The following BOD1L2 variants were observed in gnomAD, a reference collection of about 807,000 sequenced individuals.
BOD1L2 encodes biorientation of chromosomes in cell division 1 like 2, also known as biorientation of chromosomes in cell division protein 1-like 2.
Under a neutral mutation model 5.3 loss-of-function variants are expected in BOD1L2, and 6 were observed. The ratio of observed to expected loss-of-function variants is 1.14; its 90% CI spans 0.62 to 2.25. The LOEUF (loss-of-function observed/expected upper bound fraction) is 2.25, where lower values mean the gene tolerates loss of function less well. Among genes scored for constraint, BOD1L2 ranks in the 30% most tolerant of loss-of-function variants. The probability of loss-of-function intolerance (pLI) is 0.00; values close to 1 mark genes in which losing one functional copy is unlikely to be tolerated. For missense variants in BOD1L2, 210 were observed against 227.2 expected (o/e 0.92, Z 0.49); for synonymous variants, 96 against 96.3 (o/e 1.00, Z 0.02).
chr18:57,147,666 G>T lies in BOD1L2; in HGVS notation c.354G>T (p.Arg118Ser). ...QSGRSEAGVD[R>S]ISSQVVDPKL... ...GGAGGTCAGAAGCTGGAGTGGACAG[G>T]ATTAGTTCTCAGGTGGTGGATCCAA... Residue 118 changes from arginine to serine, a missense_variant, in exon 1 of 1, where the codon AGG becomes AGT. By Grantham distance (110) the Arg-to-Ser change is moderately radical. Coordinates refer to ENST00000585477, the MANE Select transcript of BOD1L2 (RefSeq NM_001257964.2). 1 of 1,613,546 alleles carries T rather than the reference G, an allele frequency of 6.2e-7. No homozygotes were observed. Among genetic ancestry groups the T allele is most frequent in the Non-Finnish European group, 8.5e-7 (1 of 1,180,034 alleles).
rs533411381 is a variant in BOD1L2, at chr18:57,147,299, C to G, written c.-14C>G. 3.4e-6 allele frequency: 4 copies of G among 1,161,780 alleles called. No individual in the cohort carries two copies. The African/African-American group carries it at 6.6e-5, about 19-fold the overall frequency. The allele number at this position is 1,161,780 out of a possible 1,614,324, so 72.0% of individuals were successfully genotyped here. A position where few individuals can be genotyped will look rare whatever the true frequency, so the allele number is the denominator to read the frequency against. On this transcript the variant is annotated 5_prime_UTR_variant, in exon 1 of 1. Coordinates refer to ENST00000585477, the MANE Select transcript of BOD1L2 (RefSeq NM_001257964.2). ...AAGCTATAATCGGTTTCCTTGTGGGCCCGGTGCGCAGCCATGGCGGACGGT... is the reference window on the plus strand; with the variant it reads ...AAGCTATAATCGGTTTCCTTGTGGGGCCGGTGCGCAGCCATGGCGGACGGT...
chr18:57,147,720 A>G lies in BOD1L2; in HGVS notation c.408A>G (p.Ile136Met), dbSNP rs965620053. ...PKLNHIFRPQ[I>M]EQIIHEFLVA... ...TAAACCACATCTTCAGGCCACAAAT[A>G]GAACAAATAATTCATGAATTCCTGG... Residue 136 changes from isoleucine (I) to methionine (M), a missense_variant, in exon 1 of 1, where the codon ATA (isoleucine) becomes ATG (methionine). Transcript: ENST00000585477. 6.2e-7 allele frequency: 1 copy of G among 1,613,878 alleles called. No homozygotes were observed. Among genetic ancestry groups the G allele is most frequent in the African/African-American group, 1.3e-5 (1 of 75,044 alleles).
Position 57,147,163 on chromosome 18 carries a change from C to G in BOD1L2, c.-150C>G. On this transcript the variant is annotated 5_prime_UTR_variant, in exon 1 of 1. Transcript: ENST00000585477. Reference sequence around the variant, plus strand: ...CCCCACCGCCGCCCCAACCACCGGCCCCGCCGCCATCACCACCACCGTCAC... The same window carrying G: ...CCCCACCGCCGCCCCAACCACCGGCGCCGCCGCCATCACCACCACCGTCAC... 10 of 1,018,216 alleles carry G rather than the reference C, an allele frequency of 9.8e-6. No homozygotes were observed. Among genetic ancestry groups the G allele is most frequent in the Non-Finnish European group, 1.2e-5 (10 of 838,332 alleles). 63.1% of individuals were successfully genotyped at this position (1,018,216 alleles called of 1,614,324 possible).
At position 57,147,789 on chromosome 18, in the gene BOD1L2, A is replaced by G; in HGVS notation, c.477A>G (p.Pro159=). 1 of 1,609,680 alleles carries G rather than the reference A, an allele frequency of 6.2e-7. No individual in the cohort carries two copies. Among genetic ancestry groups the G allele is most frequent in the Non-Finnish European group, 8.5e-7 (1 of 1,178,082 alleles). Residue 159 remains proline, a synonymous_variant, in exon 1 of 1, where the codon CCA becomes CCG. Transcript: ENST00000585477. ...CTGTGCCAGCACTCCCTCCAGAGCCAGAAGGCCAGGACCCTCCAGCTCCGT... is the reference window on the plus strand; with the variant it reads ...CTGTGCCAGCACTCCCTCCAGAGCCGGAAGGCCAGGACCCTCCAGCTCCGT... ...EAAVPALPPE[P]EGQDPPAPSQ...
Position 57,149,127 on chromosome 18 carries a change from G to GTGGGGC in BOD1L2, c.*1305_*1310dup, listed in dbSNP as rs2048943215. 6.6e-6 allele frequency: 1 copy of GTGGGGC among 152,200 alleles called. No individual in the cohort carries two copies. The highest frequency in any genetic ancestry group is 2.1e-4 in the South Asian group (1 of 4,822). 9.4% of individuals were successfully genotyped at this position (152,200 alleles called of 1,614,324 possible). On this transcript the variant is annotated 3_prime_UTR_variant, in exon 1 of 1. Transcript: ENST00000585477. ...CCAAAGCTCAGACACTGCCTAAGTGGTGGGGCTGGGGCTGAGCCTGTATTG... is the reference window on the plus strand; with the variant it reads ...CCAAAGCTCAGACACTGCCTAAGTGGTGGGGCTGGGGCTGGGGCTGAGCCTGTATTG...
rs1422094865 is a variant in BOD1L2 at position 57,148,612 on chromosome 18, A to G, written c.*781A>G. ...TATCTTTCAACTGCAACAACAAAAA[A>G]GAAATGCAGATTTACATCCTTTTCC... On this transcript the variant is annotated 3_prime_UTR_variant, in exon 1 of 1. Coordinates refer to ENST00000585477, the MANE Select transcript of BOD1L2 (RefSeq NM_001257964.2). The G allele has an allele frequency of 1.3e-5, 2 of 152,260 alleles. No individual in the cohort carries two copies. Among genetic ancestry groups the G allele is most frequent in the Non-Finnish European group, 1.5e-5 (1 of 68,048 alleles). The allele number at this position is 152,260 out of a possible 1,614,324, so 9.4% of individuals were successfully genotyped here.
chr18:57,147,996 T>C lies in BOD1L2; in HGVS notation c.*165T>C. On this transcript the variant is annotated 3_prime_UTR_variant, in exon 1 of 1. Coordinates refer to ENST00000585477, the MANE Select transcript of BOD1L2 (RefSeq NM_001257964.2). ...TGACCAGATTGAAAGGGAAGCAAGTTCGCCAGAGAGAAAGTTGACCGTGGC... is the reference window on the plus strand; with the variant it reads ...TGACCAGATTGAAAGGGAAGCAAGTCCGCCAGAGAGAAAGTTGACCGTGGC... 1.2e-6 allele frequency: 1 copy of C among 818,580 alleles called. No homozygotes were observed. Among genetic ancestry groups the C allele is most frequent in the Non-Finnish European group, 1.8e-6 (1 of 544,478 alleles). 50.7% of individuals were successfully genotyped at this position (818,580 alleles called of 1,614,324 possible).
chr18:57,147,834 A>C lies in BOD1L2; in HGVS notation c.*3A>C. The C allele has an allele frequency of 6.3e-7, 1 of 1,593,998 alleles. No homozygotes were observed. Among genetic ancestry groups the C allele is most frequent in the Non-Finnish European group, 8.5e-7 (1 of 1,170,046 alleles). ...CTCCGTCTCAGGACACTTCCTAAGA[A>C]TATGCCTGACAGCTTTTGAAAGCGC... On this transcript the variant is annotated 3_prime_UTR_variant, in exon 1 of 1. Coordinates refer to ENST00000585477, the MANE Select transcript of BOD1L2 (RefSeq NM_001257964.2).
At position 57,147,861 on chromosome 18, in the gene BOD1L2, A is replaced by G. The variant is rs150462946; in HGVS notation, c.*30A>G. 5.4e-6 allele frequency: 8 copies of G among 1,477,336 alleles called. No homozygotes were observed. The highest frequency in any genetic ancestry group is 1.9e-4 in the Middle Eastern group (1 of 5,196). The allele number at this position is 1,477,336 out of a possible 1,614,324, so 91.5% of individuals were successfully genotyped here. ...ATGCCTGACAGCTTTTGAAAGCGCT[A>G]TTTAATTTTTGGTGAAGAAATGGAT... is the stretch of plus-strand genomic sequence containing the variant. On this transcript the variant is annotated 3_prime_UTR_variant, in exon 1 of 1. Coordinates refer to ENST00000585477, the MANE Select transcript of BOD1L2 (RefSeq NM_001257964.2).
rs754790438 is a variant in BOD1L2 at position 57,148,109 on chromosome 18, C to G, written c.*278C>G. ...TACAGAGAGGGAAACACTACCGCGA[C>G]CCAGGATTGTCCTGAAACAGACATC... is the stretch of plus-strand genomic sequence containing the variant. On this transcript the variant is annotated 3_prime_UTR_variant, in exon 1 of 1. Transcript: ENST00000585477. 6 of 335,972 alleles carry G rather than the reference C, an allele frequency of 1.8e-5. No homozygotes were observed. The highest frequency in any genetic ancestry group is 3.3e-5 in the Non-Finnish European group (6 of 180,640). 20.8% of individuals were successfully genotyped at this position (335,972 alleles called of 1,614,324 possible). A position where few individuals can be genotyped will look rare whatever the true frequency, so the allele number is the denominator to read the frequency against.
chr18:57,148,104 C>G lies in BOD1L2; in HGVS notation c.*273C>G. Reference sequence around the variant, plus strand: ...CACACTACAGAGAGGGAAACACTACCGCGACCCAGGATTGTCCTGAAACAG... The same window carrying G: ...CACACTACAGAGAGGGAAACACTACGGCGACCCAGGATTGTCCTGAAACAG... On this transcript the variant is annotated 3_prime_UTR_variant, in exon 1 of 1. Coordinates refer to ENST00000585477, the MANE Select transcript of BOD1L2 (RefSeq NM_001257964.2). 1 of 351,990 alleles carries G rather than the reference C, an allele frequency of 2.8e-6. No individual in the cohort carries two copies. Among genetic ancestry groups the G allele is most frequent in the Non-Finnish European group, 5.3e-6 (1 of 189,980 alleles). The allele number at this position is 351,990 out of a possible 1,614,324, so 21.8% of individuals were successfully genotyped here.
rs1028004437 is a variant in BOD1L2 at position 57,150,066 on chromosome 18, C to T, written c.*2235C>T. Reference sequence around the variant, plus strand: ...GAATTTCAGAGAAACAACAGATACTCTCCTAGGGCATGGACCGTGCAATAT... The same window carrying T: ...GAATTTCAGAGAAACAACAGATACTTTCCTAGGGCATGGACCGTGCAATAT... On this transcript the variant is annotated 3_prime_UTR_variant, in exon 1 of 1. Coordinates refer to ENST00000585477, the MANE Select transcript of BOD1L2 (RefSeq NM_001257964.2). The T allele has an allele frequency of 3.3e-5, 5 of 152,106 alleles. No homozygotes were observed. The highest frequency in any genetic ancestry group is 4.8e-5 in the African/African-American group (2 of 41,402). The allele number at this position is 152,106 out of a possible 1,614,324, so 9.4% of individuals were successfully genotyped here. A position where few individuals can be genotyped will look rare whatever the true frequency, so the allele number is the denominator to read the frequency against.
chr18:57,147,281 A>G lies in BOD1L2; in HGVS notation c.-32A>G. ...CTTTCTGTCCTGGAGAAGAAGCTATAATCGGTTTCCTTGTGGGCCCGGTGC... is the reference window on the plus strand; with the variant it reads ...CTTTCTGTCCTGGAGAAGAAGCTATGATCGGTTTCCTTGTGGGCCCGGTGC... On this transcript the variant is annotated 5_prime_UTR_variant, in exon 1 of 1. In the 5' UTR this introduces an upstream ATG that the reference lacks. Coordinates refer to ENST00000585477, the MANE Select transcript of BOD1L2 (RefSeq NM_001257964.2). 8.7e-7 allele frequency: 1 copy of G among 1,152,098 alleles called. No individual in the cohort carries two copies. Among genetic ancestry groups the G allele is most frequent in the Non-Finnish European group, 1.1e-6 (1 of 939,816 alleles). The allele number at this position is 1,152,098 out of a possible 1,614,324, so 71.4% of individuals were successfully genotyped here. A position where few individuals can be genotyped will look rare whatever the true frequency, so the allele number is the denominator to read the frequency against.
chr18:57,147,419 C>G lies in BOD1L2; in HGVS notation c.107C>G (p.Pro36Arg). The change falls in exon 1 of 1, where the codon CCT becomes CGT. Residue 36 changes from proline (P) to arginine (R), a missense_variant. Coordinates refer to ENST00000585477, the MANE Select transcript of BOD1L2 (RefSeq NM_001257964.2). The part of the protein sequence containing the change: ...INPASLPPGD[P>R]QLIAIIVGQL... ...CCGGCCTCGTTGCCCCCTGGCGACC[C>G]TCAGCTCATCGCTATCATCGTGGGG... The G allele has an allele frequency of 6.5e-7, 1 of 1,540,934 alleles. No homozygotes were observed. The highest frequency in any genetic ancestry group is 8.7e-7 in the Non-Finnish European group (1 of 1,147,966).
chr18:57,147,417 C>G lies in BOD1L2; in HGVS notation c.105C>G (p.Asp35Glu). The stretch of plus-strand genomic sequence containing the variant: ...ACCCGGCCTCGTTGCCCCCTGGCGA[C>G]CCTCAGCTCATCGCTATCATCGTGG... ...PINPASLPPG[D>E]PQLIAIIVGQ... Residue 35 changes from aspartate to glutamate, a missense_variant, in exon 1 of 1, where the codon GAC becomes GAG. Asp to Glu is a conservative substitution (Grantham distance 45). Transcript: ENST00000585477. 3 of 1,540,534 alleles carry G rather than the reference C, an allele frequency of 1.9e-6. No homozygotes were observed. The South Asian group carries it at 3.6e-5, about 18-fold the overall frequency.
In BOD1L2 at chr18:57,147,408, C is replaced by G; in HGVS notation, c.96C>G (p.Pro32=). ...GGGPINPASL[P]PGDPQLIAII... is the part of the protein sequence containing the mutation. ...GCCCCATCAACCCGGCCTCGTTGCC[C>G]CCTGGCGACCCTCAGCTCATCGCTA... Residue 32 remains proline, a synonymous_variant, in exon 1 of 1, where the codon CCC becomes CCG. Coordinates refer to ENST00000585477, the MANE Select transcript of BOD1L2 (RefSeq NM_001257964.2). 6.5e-7 allele frequency: 1 copy of G among 1,538,248 alleles called. No individual in the cohort carries two copies. Among genetic ancestry groups the G allele is most frequent in the South Asian group, 1.2e-5 (1 of 84,158 alleles).
Position 57,148,711 on chromosome 18 carries a change from A to G in BOD1L2, c.*880A>G, listed in dbSNP as rs2048940961. The G allele has an allele frequency of 6.6e-6, 1 of 152,218 alleles. No homozygotes were observed. The highest frequency in any genetic ancestry group is 1.5e-5 in the Non-Finnish European group (1 of 68,056). The allele number at this position is 152,218 out of a possible 1,614,324, so 9.4% of individuals were successfully genotyped here. On this transcript the variant is annotated 3_prime_UTR_variant, in exon 1 of 1. Transcript: ENST00000585477. ...GGCATGGTTTATGAGGCCCGTGATA[A>G]TGGGGCCCCTGGTCACCTCTGCTGC...
chr18:57,148,921 A>T lies in BOD1L2; in HGVS notation c.*1090A>T, dbSNP rs2048942074. On this transcript the variant is annotated 3_prime_UTR_variant, in exon 1 of 1. Transcript: ENST00000585477. Reference sequence around the variant, plus strand: ...GACTCCTTCCTCTGTGCTCCCATAGATCTCATAAGGGATGACCACACTTAC... The same window carrying T: ...GACTCCTTCCTCTGTGCTCCCATAGTTCTCATAAGGGATGACCACACTTAC... 1 of 152,194 alleles carries T rather than the reference A, an allele frequency of 6.6e-6. No individual in the cohort carries two copies. The highest frequency in any genetic ancestry group is 2.1e-4 in the South Asian group (1 of 4,824). The allele number at this position is 152,194 out of a possible 1,614,324, so 9.4% of individuals were successfully genotyped here. A position where few individuals can be genotyped will look rare whatever the true frequency, so the allele number is the denominator to read the frequency against.
In BOD1L2 at chr18:57,147,615, T is replaced by C. The variant is rs1459671502; in HGVS notation, c.303T>C (p.Gly101=). ...PPANDNQLHD[G]LRQSVVQSGR... ...CAAACGACAACCAACTGCACGATGG[T>C]CTGAGGCAGAGTGTGGTTCAGTCAG... The change falls in exon 1 of 1, where the codon GGT becomes GGC. Residue 101 remains glycine (G), a synonymous_variant. Transcript: ENST00000585477. 6.2e-7 allele frequency: 1 copy of C among 1,613,214 alleles called. No homozygotes were observed. The highest frequency in any genetic ancestry group is 8.5e-7 in the Non-Finnish European group (1 of 1,180,012).
Sources: gnomAD v4.1 joint callset for allele counts on GRCh38, gnomAD v4.1.1 for gene constraint, MANE v1.5 for transcripts, NCBI Gene and HGNC (gene_info 2026-07-23, HGNC 2026-07-21) for gene names.